The following PFKP variants were observed in gnomAD, a reference collection of about 807,000 sequenced individuals.
PFKP encodes ATP-dependent 6-phosphofructokinase, platelet type.
In PFKP, 101 loss-of-function variants were observed where a neutral mutation model predicts 94.3. The observed-to-expected ratio is 1.07, with a 90% CI of 0.91 to 1.26. The LOEUF (loss-of-function observed/expected upper bound fraction) is 1.26. PFKP is among the 50% of genes most tolerant of loss of function. The pLI is 0.00. For missense variants in PFKP, 1,145 were observed against 1,103.3 expected (o/e 1.04, Z -0.53); for synonymous variants, 573 against 432.6 (o/e 1.32, Z -4.03).
At chr10:3,109,559 T>G (rs1835960473) in intron 10 of PFKP, 79 bp downstream of exon 10, 1 of 1,540,352 alleles carries the variant, frequency 6.5e-7, no homozygotes, top group Admixed American at 1.9e-5. Context: ...CCTGGGCACC[T>G]TGGGTGTCTC....
chr10:3,118,043 T>A (rs1837007857), intron 14 of PFKP, among the ~76,000 whole-genome samples: 1 of 152,226 alleles, frequency 6.6e-6, no homozygotes, highest in African/African-American at 2.4e-5. Flanking sequence ...AGTCTGGTGT[T>A]GCACTTGTTA....
chr10:3,093,941 C>T (rs916094498), intron 2 of PFKP, among the ~76,000 whole-genome samples: 6 of 152,222 alleles, frequency 3.9e-5, no homozygotes, highest in East Asian at 3.8e-4. Context: ...CCGCATCTGT[C>T]GTAGCATTAT....
At chr10:3,134,661 A>G in intron 20 of PFKP, 79 bp downstream of exon 20, 2 of 882,902 alleles carry the variant, frequency 2.3e-6, no homozygotes, top group Non-Finnish European at 3.8e-6. Context: ...CCTATCGGGG[A>G]GAAGTAGGGT....
At chr10:3,087,833 G>T (rs942502173) in intron 2 of PFKP, among the ~76,000 whole-genome samples, 11 of 152,050 alleles carry the variant, frequency 7.2e-5, no homozygotes, top group African/African-American at 2.4e-4. Context: ...ACCTCTGGGC[G>T]TCTTGGGAAC....
At chr10:3,117,177 T>G (rs1251583660) in intron 14 of PFKP, among the ~76,000 whole-genome samples, 1 of 152,180 alleles carries the variant, frequency 6.6e-6, no homozygotes, top group Non-Finnish European at 1.5e-5. Context: ...GCCGTGGAGA[T>G]GGCACTCTAA....
At chr10:3,100,819 C>A in intron 3 of PFKP, 1 of 632,634 alleles carries the variant, frequency 1.6e-6, no homozygotes, top group Non-Finnish European at 2.8e-6. Flanking sequence ...AATTTAAGAT[C>A]CTGAAGATAT....
intron 4 of PFKP, among the ~76,000 whole-genome samples, chr10:3,102,258 A>AAAAAAAAAAAAC (rs1835094186): frequency 7.1e-6 from 1 of 141,276 alleles, no homozygotes; most frequent in Non-Finnish European, 1.5e-5. Context: ...CTCAAAAAAA[A>AAAAAAAAAAAAC]AAAAAAAAAA....
chr10:3,126,760 T>A (rs1353410538), intron 16 of PFKP, among the ~76,000 whole-genome samples: 2 of 152,252 alleles, frequency 1.3e-5, no homozygotes, highest in Non-Finnish European at 2.9e-5. Flanking sequence ...TTAACACCCA[T>A]GGAGCAAAGT....
rs538353952 is a variant in PFKP at position 3,084,871 on chromosome 10, C to G, written c.186+2410C>G. Among the ~76,000 whole-genome samples the G allele has an allele frequency of 1.2e-3, 157 of 134,402 alleles. 9 individuals are homozygous for G. Among genetic ancestry groups the G allele is most frequent in the Non-Finnish European group, 2.0e-3 (126 of 61,850 alleles). The allele number at this position is 134,402 out of a possible 152,430, so 88.2% of individuals were successfully genotyped here. On this transcript the variant is annotated intron_variant, in intron 2 of 21. Coordinates refer to ENST00000381125, the MANE Select transcript of PFKP (RefSeq NM_002627.5). Reference sequence around the variant, plus strand: ...ACCCCCTCCCCAGCACGGTCCCCCACTCCACTCTCCAGCACGGTCCCCCAC... The same window carrying G: ...ACCCCCTCCCCAGCACGGTCCCCCAGTCCACTCTCCAGCACGGTCCCCCAC...
At chr10:3,069,174 G>C in intron 1 of PFKP, 1 of 1,176,014 alleles carries the variant, frequency 8.5e-7, no homozygotes, top group African/African-American at 1.6e-5. Context: ...GGGTGGCAGC[G>C]CCAGGCCCCG....
intron 5 of PFKP, chr10:3,104,818 G>T (rs4269839): frequency 0.9 from 443,537 of 490,320 alleles, 201,460 homozygotes; most frequent in Non-Finnish European, 0.94. Context: ...GCACGGGGCC[G>T]GGGAGTGTGA....
At chr10:3,095,213 T>C (rs1319218351) in intron 2 of PFKP, among the ~76,000 whole-genome samples, 1 of 86,912 alleles carries the variant, frequency 1.2e-5, no homozygotes, top group Non-Finnish European at 3.3e-5. Flanking sequence ...AAAACTTACA[T>C]ATGAGACGTC....
At chr10:3,076,739 A>G (rs1474080010) in intron 1 of PFKP, among the ~76,000 whole-genome samples, 1 of 152,128 alleles carries the variant, frequency 6.6e-6, no homozygotes, top group Non-Finnish European at 1.5e-5. Flanking sequence ...CACTTGGGGC[A>G]CCCGAGCTGG....
chr10:3,136,195 G>A (rs1564366003), intron 21 of PFKP, among the ~76,000 whole-genome samples: 1 of 152,158 alleles, frequency 6.6e-6, no homozygotes, highest in South Asian at 2.1e-4. Flanking sequence ...AACCCGGGAG[G>A]CAGAGGTTGC....
intron 19 of PFKP, 84 bp downstream of exon 19, chr10:3,133,398 G>A (rs1838833636): frequency 2.3e-6 from 2 of 885,408 alleles, no homozygotes; most frequent in South Asian, 2.7e-5. Context: ...GCCATTGTGG[G>A]GAAAAATGTA....
intron 10 of PFKP, among the ~76,000 whole-genome samples, chr10:3,110,285 G>A (rs776754734): frequency 3.4e-4 from 51 of 151,556 alleles, no homozygotes; most frequent in Non-Finnish European, 4.6e-4. Context: ...TGCAAGCTCC[G>A]CCTCCTGGGT....
intron 16 of PFKP, chr10:3,125,284 G>A (rs550978114): frequency 3.6e-5 from 45 of 1,243,112 alleles, no homozygotes; most frequent in South Asian, 8.4e-5. Flanking sequence ...TTGCTTTTCC[G>A]TCATTTATTT....
rs200551812 is a variant in PFKP at position 3,071,438 on chromosome 10, T to G, written c.112+3731T>G. Among the ~76,000 whole-genome samples, 226 of 112,488 alleles carry G rather than the reference T, an allele frequency of 2.0e-3. 3 individuals are homozygous for G. The East Asian group carries it at 0.042, about 21-fold the overall frequency. 73.8% of individuals were successfully genotyped at this position (112,488 alleles called of 152,430 possible). A position where few individuals can be genotyped will look rare whatever the true frequency, so the allele number is the denominator to read the frequency against. On this transcript the variant is annotated intron_variant, in intron 1 of 21. Coordinates refer to ENST00000381125, the MANE Select transcript of PFKP (RefSeq NM_002627.5). ...TTCTGTCTCAGGCTGTTTTTTTTTTTTTTTTTTTTTTCTTTCTCTTCTTCT... is the reference window on the plus strand; with the variant it reads ...TTCTGTCTCAGGCTGTTTTTTTTTTGTTTTTTTTTTTCTTTCTCTTCTTCT...
At chr10:3,134,346 C>G in intron 19 of PFKP, 137 bp from the exon 20 acceptor site, 2 of 620,842 alleles carry the variant, frequency 3.2e-6, no homozygotes, top group Non-Finnish European at 5.8e-6. Flanking sequence ...CTACGGGAAT[C>G]ACAGGTTTTG....
Sources: allele counts gnomAD v4.1 joint callset (sites outside exome capture counted in the v4.1 genomes callset), GRCh38; gene constraint gnomAD v4.1.1; transcripts MANE v1.5; gene names NCBI Gene and HGNC (gene_info 2026-07-23, HGNC 2026-07-21).